Variants in SLC28A3 observed in about 807,000 individuals in gnomAD.
SLC28A3 encodes solute carrier family 28 member 3.
SLC28A3 carries 68 observed loss-of-function variants against 84.2 expected under a neutral mutation model. The observed-to-expected ratio is 0.81, with a 90% confidence interval of 0.66 to 0.99. SLC28A3 has a LOEUF of 0.99. SLC28A3 is among the 50% of genes least tolerant of loss of function. The pLI is 0.00. For missense variants in SLC28A3, 712 were observed against 841.5 expected, an observed-to-expected ratio of 0.85 and a Z score of 1.90; for synonymous variants, 267 against 303.6, an observed-to-expected ratio of 0.88 and a Z score of 1.25.
At chr9:84,300,627 G>A (rs7861242) in intron 5 of SLC28A3, among the ~76,000 whole-genome samples, 30,767 of 152,128 alleles carry the variant, frequency 0.2, 3,261 homozygotes, top group African/African-American at 0.27. Context: ...TAGATCCCAC[G>A]TTAGTCTTGA....
chr9:84,307,760 A>G (rs1825852876), intron 3 of SLC28A3, among the ~76,000 whole-genome samples: 1 of 152,236 alleles, frequency 6.6e-6, no homozygotes, highest in Non-Finnish European at 1.5e-5. Flanking sequence ...TGACTCTATC[A>G]GGTTCTTTAA....
intron 2 of SLC28A3, among the ~76,000 whole-genome samples, chr9:84,311,479 C>G (rs897518405): frequency 6.6e-6 from 1 of 151,850 alleles, no homozygotes; most frequent in African/African-American, 2.4e-5. Context: ...TGGTCTTGTA[C>G]ATTCTATGGG....
upstream of SLC28A3, among the ~76,000 whole-genome samples, chr9:84,341,082 T>C (rs1216430871): frequency 2.6e-5 from 4 of 151,662 alleles, no homozygotes; most frequent in African/African-American, 9.7e-5. Context: ...CAAGCAATTC[T>C]CCTGCCTCAG....
At chr9:84,300,059 T>G (rs540381204) in intron 5 of SLC28A3, among the ~76,000 whole-genome samples, 4 of 152,328 alleles carry the variant, frequency 2.6e-5, no homozygotes, top group African/African-American at 9.6e-5. Flanking sequence ...CCCAAAGTGC[T>G]GGGATTACAG....
At chr9:84,342,179 CCAAGTATTAT>C (rs1447462106), upstream of SLC28A3, among the ~76,000 whole-genome samples, 507 of 140,288 alleles carry the variant, frequency 3.6e-3, 1 homozygote, top group African/African-American at 0.013. Context: ...TAAGAAAATA[CCAAGTATTAT>C]GAGTGGTTAT....
chr9:84,280,012 C>T lies in SLC28A3; in HGVS notation c.1791G>A (p.Ala597=), dbSNP rs757375728. 1.5e-5 allele frequency: 25 copies of T among 1,613,868 alleles called. No individual in the cohort carries two copies. In the African/African-American group the frequency reaches 1.9e-4, roughly 12 times the overall value. ...CTGTCATGAAGCAGGCCACGGTCCC[C>T]GCAATCAGAGCTCTCACTGCCCCCG... is the stretch of plus-strand genomic sequence containing the variant. ...IASGAVRALI[A]GTVACFMTAC... The change falls in exon 16 of 18, where the codon GCG becomes GCA. Residue 597 remains alanine, a synonymous_variant. Transcript: ENST00000376238.
chr9:84,323,923 A>G (rs1489260131), intron 1 of SLC28A3, among the ~76,000 whole-genome samples: 1 of 152,124 alleles, frequency 6.6e-6, no homozygotes, highest in Non-Finnish European at 1.5e-5. Context: ...CTTGTACAGT[A>G]CAGTCACTAC....
intron 1 of SLC28A3, among the ~76,000 whole-genome samples, chr9:84,317,994 G>A (rs1826231274): frequency 6.6e-6 from 1 of 152,198 alleles, no homozygotes; most frequent in East Asian, 1.9e-4. Context: ...AATGTTTTAA[G>A]GCCCTTTCTC....
chr9:84,294,247 G>C lies in SLC28A3; in HGVS notation c.890C>G (p.Thr297Ser). 2.5e-6 allele frequency: 4 copies of C among 1,614,132 alleles called. No individual in the cohort carries two copies. The highest frequency in any genetic ancestry group is 3.4e-6 in the Non-Finnish European group (4 of 1,179,984). Residue 297 changes from threonine (T) to serine (S), a missense_variant, in exon 9 of 18, where the codon ACT becomes AGT. By Grantham distance (58) the Thr-to-Ser change is moderately conservative. Transcript: ENST00000376238. ...KVLPIVVFFS[T>S]VMSMLYYLGL... ...CAGGTAGTACAGCATGGACATCACAGTGCTGAAGAAAACCACGATCGGCAG... is the reference window on the plus strand; with the variant it reads ...CAGGTAGTACAGCATGGACATCACACTGCTGAAGAAAACCACGATCGGCAG...
At chr9:84,299,469 A>T in intron 6 of SLC28A3, 112 bp downstream of exon 6, 1 of 1,372,634 alleles carries the variant, frequency 7.3e-7, no homozygotes. Flanking sequence ...AATCCCATCA[A>T]GGTAAGAAAA....
upstream of SLC28A3, among the ~76,000 whole-genome samples, chr9:84,342,145 G>A (rs71487698): frequency 0.038 from 4,821 of 127,792 alleles, 119 homozygotes; most frequent in African/African-American, 0.057. Context: ...AAAAAAAAAA[G>A]AAAAGAAAAA....
intron 1 of SLC28A3, among the ~76,000 whole-genome samples, chr9:84,321,733 C>CAAAAAAAA (rs10707383): frequency 1.5e-5 from 1 of 65,108 alleles, no homozygotes; most frequent in Non-Finnish European, 3.1e-5. Flanking sequence ...GACTCCGTCT[C>CAAAAAAAA]AAAAAAAAAA....
chr9:84,342,127 CAA>C (rs200186519), upstream of SLC28A3, among the ~76,000 whole-genome samples: 15 of 68,746 alleles, frequency 2.2e-4, no homozygotes, highest in Admixed American at 4.3e-4. Flanking sequence ...GACCCTGTCT[CAA>C]AAAAAAAAAA....
chr9:84,344,185 GTT>G (rs762125676), upstream of SLC28A3, among the ~76,000 whole-genome samples: 17 of 117,980 alleles, frequency 1.4e-4, no homozygotes, highest in African/African-American at 4.2e-4. Context: ...CATCATATGG[GTT>G]TTTTTTTTTT....
chr9:84,301,059 T>A (rs1167452392), intron 5 of SLC28A3, among the ~76,000 whole-genome samples: 1 of 151,894 alleles, frequency 6.6e-6, no homozygotes, highest in Non-Finnish European at 1.5e-5. Context: ...ATTAAAAATT[T>A]AAAAAATAGG....
At chr9:84,355,458 G>A in the SLC28A3 span, among the ~76,000 whole-genome samples, 2 of 152,076 alleles carry the variant, frequency 1.3e-5, no homozygotes, top group Non-Finnish European at 2.9e-5. Context: ...AACACGTCAG[G>A]CCAATACTAA....
At chr9:84,351,503 G>C in the SLC28A3 span, among the ~76,000 whole-genome samples, 1 of 151,766 alleles carries the variant, frequency 6.6e-6, no homozygotes, top group Non-Finnish European at 1.5e-5. Flanking sequence ...TTAAAAAATG[G>C]AAAAAATTAG....
At chr9:84,306,824 T>C (rs1436509144) in intron 3 of SLC28A3, among the ~76,000 whole-genome samples, 1 of 151,988 alleles carries the variant, frequency 6.6e-6, no homozygotes, top group Non-Finnish European at 1.5e-5. Context: ...GAGTTGGGGA[T>C]GCATTAGCGG....
At chr9:84,308,545 C>CA (rs56987458) in intron 3 of SLC28A3, among the ~76,000 whole-genome samples, 15 of 148,198 alleles carry the variant, frequency 1.0e-4, no homozygotes, top group South Asian at 6.4e-4. Context: ...GACTCCATCT[C>CA]AAAAAAAAAA....
Sources: gnomAD v4.1 joint callset for allele counts (sites outside exome capture counted in the v4.1 genomes callset) on GRCh38, gnomAD v4.1.1 for gene constraint, MANE v1.5 for transcripts, NCBI Gene and HGNC (gene_info 2026-07-23, HGNC 2026-07-21) for gene names.